NLRP2: variants seen among roughly 807,000 people sequenced by gnomAD.
NLRP2 encodes the protein NACHT, LRR and PYD domains-containing protein 2.
A neutral mutation model predicts 97.2 loss-of-function variants in NLRP2; 107 were observed. That is an observed-to-expected ratio of 1.10 (90% confidence interval 0.94 to 1.29). NLRP2 has a LOEUF of 1.29. NLRP2 is among the 50% of genes most tolerant of loss of function. The pLI, the probability that NLRP2 is intolerant of heterozygous loss-of-function variation, is 0.00. For synonymous variants in NLRP2, 663 were observed against 551.5 expected, an observed-to-expected ratio of 1.20 and a Z score of -2.83; for missense variants, 1,495 against 1,330.3, an observed-to-expected ratio of 1.12 and a Z score of -1.93.
intron 8 of NLRP2, among the ~76,000 whole-genome samples, chr19:54,987,957 T>C (rs973659510): frequency 6.6e-6 from 1 of 151,986 alleles, no homozygotes; most frequent in African/African-American, 2.4e-5. Flanking sequence ...TGCAAGAGAA[T>C]TGCTTGAACC....
chr19:54,983,686 C>T lies in NLRP2; in HGVS notation c.1988C>T (p.Pro663Leu), dbSNP rs775271805. The T allele has an allele frequency of 2.5e-5, 40 of 1,613,482 alleles. 1 individual carries two copies. The highest frequency in any genetic ancestry group is 6.7e-5 in the Admixed American group (4 of 59,982). ...CTGCAGGTAATAAAGGAGAATCTCC[C>T]GGAGAATGTCACTGCGTCTGAATCA... ...MSLQVIKENLPENVTASESDA... is the reference protein window; with the variant it reads ...MSLQVIKENLLENVTASESDA... Residue 663 changes from proline (P) to leucine (L), a missense_variant, in exon 6 of 13, where the codon CCG becomes CTG. Transcript: ENST00000448584.
At chr19:54,990,699 C>T (rs377757438) in intron 10 of NLRP2, 27 bp downstream of exon 10, 47 of 1,613,376 alleles carry the variant, frequency 2.9e-5, no homozygotes, top group South Asian at 1.8e-4. Context: ...TGCCTGTGTG[C>T]GTGGGTGTAT....
At chr19:54,981,810 C>T (rs541147739) in intron 5 of NLRP2, 128 bp downstream of exon 5, 4 of 745,406 alleles carry the variant, frequency 5.4e-6, no homozygotes, top group African/African-American at 5.2e-5. Context: ...CGGAGTTTTG[C>T]TCTTGTTGCC....
chr19:54,994,323 C>T lies in NLRP2; in HGVS notation c.2763C>T (p.Leu921=). ...GCTGCTGCGATCTCACAAAGCTTCT[C>T]CAAGAAAAATCAAGCCTGTTGTGTT... is the stretch of plus-strand genomic sequence containing the variant. The part of the protein sequence containing the change: ...SDGCCDLTKL[L]QEKSSLLCLD... Residue 921 remains leucine (L), a synonymous_variant, in exon 11 of 13, where the codon CTC becomes CTT. Transcript: ENST00000448584. 1.2e-6 allele frequency: 2 copies of T among 1,614,128 alleles called. No individual in the cohort carries two copies. Among genetic ancestry groups the T allele is most frequent in the Non-Finnish European group, 8.5e-7 (1 of 1,180,036 alleles).
chr19:54,985,357 A>G (rs1192144467), intron 7 of NLRP2, 140 bp downstream of exon 7: 1 of 823,230 alleles, frequency 1.2e-6, no homozygotes, highest in Non-Finnish European at 2.0e-6. Flanking sequence ...CTGTCCTTAA[A>G]TTTATTTTGT....
intron 2 of NLRP2, among the ~76,000 whole-genome samples, chr19:54,972,417 G>A (rs1308506892): frequency 6.7e-6 from 1 of 150,164 alleles, no homozygotes; most frequent in Non-Finnish European, 1.5e-5. Flanking sequence ...TCCTGACCAC[G>A]TGATCAACCC....
At chr19:54,968,589 A>G (rs2070631511) in intron 1 of NLRP2, among the ~76,000 whole-genome samples, 1 of 151,280 alleles carries the variant, frequency 6.6e-6, no homozygotes, top group Admixed American at 6.6e-5. Context: ...TTGGCTTCCC[A>G]AAGTGTTTGG....
rs563587847 is a variant in NLRP2, at chr19:54,983,117, C to T, written c.1419C>T (p.Leu473=). Residue 473 remains leucine (L), a synonymous_variant, in exon 6 of 13, where the codon CTC becomes CTT. Transcript: ENST00000448584. ...TTCACCGAGAGGATCTGGAAAGGCTCGGGGTGCAGGAGTCCGACCTCCGTC... is the reference window on the plus strand; with the variant it reads ...TTCACCGAGAGGATCTGGAAAGGCTTGGGGTGCAGGAGTCCGACCTCCGTC... ...SVLHREDLER[L]GVQESDLRLF... is the part of the protein sequence containing the mutation. The T allele has an allele frequency of 1.3e-5, 21 of 1,613,654 alleles. No individual in the cohort carries two copies. Among genetic ancestry groups the T allele is most frequent in the East Asian group, 4.5e-5 (2 of 44,880 alleles).
At chr19:54,999,041 C>CGGGGCGGCTGGCCGGGCG (rs1305371061) in intron 12 of NLRP2, among the ~76,000 whole-genome samples, 1 of 147,730 alleles carries the variant, frequency 6.8e-6, no homozygotes, top group Non-Finnish European at 1.5e-5. Context: ...CCCTCCCGGA[C>CGGGGCGGCTGGCCGGGCG]AGGGCGGCTG....
At chr19:54,998,997 T>G (rs189964827) in intron 12 of NLRP2, among the ~76,000 whole-genome samples, 5,095 of 134,806 alleles carry the variant, frequency 0.038, 130 homozygotes, top group Non-Finnish European at 0.055. Context: ...TTTTTCTTAG[T>G]ACAGAACAAA....
chr19:54,989,888 G>A, intron 8 of NLRP2, 134 bp from the exon 9 acceptor site: 1 of 884,568 alleles, frequency 1.1e-6, no homozygotes. Flanking sequence ...CTACTCGGGA[G>A]GCTGAGGCAG....
intron 1 of NLRP2, 85 bp from the exon 2 acceptor site, chr19:54,969,914 T>C: frequency 6.6e-6 from 9 of 1,354,976 alleles, no homozygotes; most frequent in Non-Finnish European, 9.5e-6. Flanking sequence ...TGAGTGTCCT[T>C]GTTCGTGGCA....
intron 2 of NLRP2, among the ~76,000 whole-genome samples, chr19:54,970,632 G>A (rs1374879201): frequency 6.6e-6 from 1 of 151,758 alleles, no homozygotes; most frequent in Non-Finnish European, 1.5e-5. Flanking sequence ...CCCCAGCCTG[G>A]GCAACAAGAG....
chr19:54,995,861 A>G (rs1568539273), intron 11 of NLRP2, among the ~76,000 whole-genome samples: 1 of 151,780 alleles, frequency 6.6e-6, no homozygotes, highest in Non-Finnish European at 1.5e-5. Context: ...GGCCAACACA[A>G]TGAAGCCCTG....
At chr19:54,982,011 C>T in intron 5 of NLRP2, 151 bp from the exon 6 acceptor site, 2 of 920,890 alleles carry the variant, frequency 2.2e-6, no homozygotes, top group Non-Finnish European at 3.5e-6. Context: ...CTCCCAATGT[C>T]AGGTGATCTG....
intron 8 of NLRP2, among the ~76,000 whole-genome samples, chr19:54,986,556 C>CTTTT (rs72407709): frequency 3.5e-5 from 5 of 144,588 alleles, no homozygotes; most frequent in African/African-American, 5.1e-5. Context: ...TCTTTATCAT[C>CTTTT]TTTTTTTTTT....
At chr19:54,967,065 A>T (rs913644611) in intron 1 of NLRP2, among the ~76,000 whole-genome samples, 2 of 150,634 alleles carry the variant, frequency 1.3e-5, no homozygotes, top group African/African-American at 4.9e-5. Context: ...TAGGGTCTTA[A>T]TATGTTGCCG....
intron 7 of NLRP2, 34 bp downstream of exon 7, chr19:54,985,251 T>A: frequency 2.5e-6 from 4 of 1,595,996 alleles, no homozygotes; most frequent in Non-Finnish European, 3.4e-6. Context: ...CTCAAATCCT[T>A]AGGGTATGAA....
chr19:54,971,469 C>T (rs1392531398), intron 2 of NLRP2, among the ~76,000 whole-genome samples: 1 of 152,064 alleles, frequency 6.6e-6, no homozygotes, highest in Non-Finnish European at 1.5e-5. Flanking sequence ...TTCTCCACAT[C>T]CTCTCCAGCA....
Sources: allele counts gnomAD v4.1 joint callset (sites outside exome capture counted in the v4.1 genomes callset), GRCh38; gene constraint gnomAD v4.1.1; transcripts MANE v1.5; gene names NCBI Gene and HGNC (gene_info 2026-07-23, HGNC 2026-07-21).